The following EVA1A variants were observed in gnomAD, a reference collection of about 807,000 sequenced individuals.
The protein encoded by EVA1A is eva-1 homolog A, regulator of programmed cell death, also known as protein eva-1 homolog A.
EVA1A carries 7 observed loss-of-function variants against 9.8 expected under a neutral mutation model. The ratio of observed to expected loss-of-function variants is 0.71; its 90% CI spans 0.41 to 1.34. EVA1A has a LOEUF of 1.34. Ranked by LOEUF, EVA1A falls within the 40% of genes most tolerant of loss-of-function variation. The pLI is 0.01. For synonymous variants in EVA1A, 90 were observed against 85.6 expected, an observed-to-expected ratio of 1.05 and a Z score of -0.28; for missense variants, 206 against 205.9, an observed-to-expected ratio of 1.00 and a Z score of 0.00.
chr2:75,523,496 C>T (rs1675302828), intron 1 of EVA1A, among the ~76,000 whole-genome samples: 1 of 152,120 alleles, frequency 6.6e-6, no homozygotes, highest in African/African-American at 2.4e-5. Context: ...CACATGGCCC[C>T]AGAGAAATAA....
chr2:75,552,676 G>A (rs1338576889), intron 1 of EVA1A, among the ~76,000 whole-genome samples: 2 of 152,098 alleles, frequency 1.3e-5, no homozygotes, highest in Admixed American at 6.5e-5. Flanking sequence ...ATACTTCATT[G>A]TATGTAACCC....
At chr2:75,541,474 T>C (rs144181987) in intron 1 of EVA1A, among the ~76,000 whole-genome samples, 7 of 152,156 alleles carry the variant, frequency 4.6e-5, no homozygotes, top group Admixed American at 2.0e-4. Context: ...TCCATCAGAA[T>C]TGATGCCCTA....
chr2:75,537,286 G>A (rs1675945245), intron 1 of EVA1A, among the ~76,000 whole-genome samples: 1 of 152,110 alleles, frequency 6.6e-6, no homozygotes. Flanking sequence ...AAAATTCTCA[G>A]AAAAATATGA....
intron 1 of EVA1A, among the ~76,000 whole-genome samples, chr2:75,531,012 C>T (rs1247728414): frequency 6.6e-6 from 1 of 152,132 alleles, no homozygotes; most frequent in East Asian, 1.9e-4. Flanking sequence ...CCTCAAGACT[C>T]ATCAAAAAGC....
At chr2:75,519,200 C>T (rs571987918) in intron 2 of EVA1A, among the ~76,000 whole-genome samples, 22 of 152,168 alleles carry the variant, frequency 1.4e-4, no homozygotes, top group Non-Finnish European at 5.9e-5. Flanking sequence ...TGGCAGAGAC[C>T]CAATTCGATG....
chr2:75,538,749 G>A (rs1323689917), intron 1 of EVA1A, among the ~76,000 whole-genome samples: 5 of 152,310 alleles, frequency 3.3e-5, no homozygotes, highest in East Asian at 1.9e-4. Context: ...CCAAAAGGCT[G>A]CATATTGTAT....
chr2:75,516,940 G>A (rs1353289185), intron 3 of EVA1A, among the ~76,000 whole-genome samples: 3 of 152,178 alleles, frequency 2.0e-5, no homozygotes, highest in African/African-American at 7.2e-5. Flanking sequence ...GGAGGCCCTG[G>A]ACTTCCTTAA....
At chr2:75,532,930 C>G (rs186211457) in intron 1 of EVA1A, among the ~76,000 whole-genome samples, 40 of 152,140 alleles carry the variant, frequency 2.6e-4, no homozygotes, top group African/African-American at 9.2e-4. Flanking sequence ...GTTACTTGAG[C>G]TCAGGTGTTT....
chr2:75,561,652 G>C (rs978269614), upstream of EVA1A, among the ~76,000 whole-genome samples: 1 of 152,132 alleles, frequency 6.6e-6, no homozygotes, highest in Non-Finnish European at 1.5e-5. Flanking sequence ...GGTTGCGGTG[G>C]TCTCTTAAGA....
intron 3 of EVA1A, among the ~76,000 whole-genome samples, chr2:75,500,343 A>G (rs1320403539): frequency 6.6e-6 from 1 of 152,218 alleles, no homozygotes; most frequent in Non-Finnish European, 1.5e-5. Flanking sequence ...TGAAAACTTA[A>G]TTCAAAGACT....
chr2:75,526,366 G>A (rs56255832), intron 1 of EVA1A, among the ~76,000 whole-genome samples: 2 of 152,180 alleles, frequency 1.3e-5, no homozygotes, highest in Non-Finnish European at 2.9e-5. Flanking sequence ...TAACTACTGA[G>A]TATTAATTTA....
intron 1 of EVA1A, among the ~76,000 whole-genome samples, chr2:75,560,472 G>A (rs1329517911): frequency 6.6e-6 from 1 of 152,166 alleles, no homozygotes; most frequent in Non-Finnish European, 1.5e-5. Context: ...GTGGGAGGAA[G>A]AGGAGGCAAA....
At chr2:75,560,479 C>T (rs1676884048) in intron 1 of EVA1A, among the ~76,000 whole-genome samples, 1 of 151,964 alleles carries the variant, frequency 6.6e-6, no homozygotes, top group African/African-American at 2.4e-5. Context: ...GAAGAGGAGG[C>T]AAAAAAGAAA....
chr2:75,545,622 CAT>C (rs200750640), intron 1 of EVA1A, among the ~76,000 whole-genome samples: 3,166 of 152,200 alleles, frequency 0.021, 113 homozygotes, highest in African/African-American at 0.073. Flanking sequence ...GGTGACCAGA[CAT>C]GTGATTCCGG....
intron 1 of EVA1A, among the ~76,000 whole-genome samples, chr2:75,549,363 G>A (rs1446456121): frequency 1.3e-5 from 2 of 152,092 alleles, no homozygotes; most frequent in Non-Finnish European, 1.5e-5. Context: ...ACCTTCCTGG[G>A]GAAGCACTTC....
At chr2:75,529,506 A>G (rs558795876) in intron 1 of EVA1A, among the ~76,000 whole-genome samples, 2 of 152,300 alleles carry the variant, frequency 1.3e-5, no homozygotes, top group Middle Eastern at 3.4e-3. Context: ...ACCACAAAAC[A>G]AGTCTCAATT....
At chr2:75,505,490 G>A (rs1674583617) in intron 3 of EVA1A, among the ~76,000 whole-genome samples, 1 of 152,160 alleles carries the variant, frequency 6.6e-6, no homozygotes, top group Non-Finnish European at 1.5e-5. Context: ...TTTGTTATAT[G>A]TAAATACATA....
chr2:75,526,874 C>T (rs1379497835), intron 1 of EVA1A, among the ~76,000 whole-genome samples: 1 of 152,180 alleles, frequency 6.6e-6, no homozygotes, highest in African/African-American at 2.4e-5. Context: ...GAAGAAAACA[C>T]TGGCAGAAGT....
intron 1 of EVA1A, among the ~76,000 whole-genome samples, chr2:75,524,944 A>G (rs1409999899): frequency 6.6e-6 from 1 of 152,182 alleles, no homozygotes; most frequent in East Asian, 1.9e-4. Flanking sequence ...ATAAATAGAT[A>G]ATATGTATAT....
Sources: allele counts gnomAD v4.1 joint callset (sites outside exome capture counted in the v4.1 genomes callset), GRCh38; gene constraint gnomAD v4.1.1; transcripts MANE v1.5; gene names NCBI Gene and HGNC (gene_info 2026-07-23, HGNC 2026-07-21).